The following KCND3 variants were observed in gnomAD, a reference collection of about 807,000 sequenced individuals.
KCND3 encodes the protein A-type voltage-gated potassium channel KCND3.
A neutral mutation model predicts 51.1 loss-of-function variants in KCND3; 9 were observed. The observed-to-expected ratio is 0.18, with a 90% CI of 0.11 to 0.31. KCND3 has a LOEUF of 0.31. KCND3 is among the 10% of genes least tolerant of loss of function. The pLI, the probability that KCND3 is intolerant of heterozygous loss-of-function variation, is 1.00. For missense variants in KCND3, 526 were observed against 903.8 expected (o/e 0.58, Z 5.36); for synonymous variants, 349 against 368.0 (o/e 0.95, Z 0.59).
rs141741116 is a variant in KCND3 at position 111,942,150 on chromosome 1, C to T, written c.1106+39471G>A. On this transcript the variant is annotated intron_variant, in intron 2 of 7. Transcript: ENST00000302127. ...GCACATGTTCATTGGGCATGTACTA[C>T]GAGCCAGGTCCTGTACTAAAAATTG... 9.8e-5 allele frequency among the ~76,000 whole-genome samples: 15 copies of T among 152,306 alleles called. No homozygotes were observed. The South Asian group carries it at 1.0e-3, about 11-fold the overall frequency.
chr1:111,915,373 G>A (rs76050184), intron 2 of KCND3, among the ~76,000 whole-genome samples: 2,520 of 151,180 alleles, frequency 0.017, 70 homozygotes, highest in African/African-American at 0.058. Context: ...ATGTGCTATC[G>A]GCAAGAAACA....
intron 2 of KCND3, among the ~76,000 whole-genome samples, chr1:111,798,488 C>G (rs1665156557): frequency 2.0e-5 from 3 of 152,074 alleles, no homozygotes; most frequent in Admixed American, 2.0e-4. Flanking sequence ...GAAATAAGAG[C>G]AATCTGAGGA....
At chr1:111,965,116 C>T (rs1201136922) in intron 2 of KCND3, among the ~76,000 whole-genome samples, 3 of 150,370 alleles carry the variant, frequency 2.0e-5, no homozygotes, top group Non-Finnish European at 4.4e-5. Flanking sequence ...ACTGCAAGTC[C>T]AAGGACTGTT....
chr1:111,867,363 G>A (rs754158059), intron 2 of KCND3, among the ~76,000 whole-genome samples: 1 of 152,192 alleles, frequency 6.6e-6, no homozygotes. Flanking sequence ...TGAAGGGCTT[G>A]CATCAGGATT....
rs1425349179 is a variant in KCND3, at chr1:111,989,572, C to T, written c.-140G>A. On this transcript the variant is annotated 5_prime_UTR_variant, in exon 1 of 8. Coordinates refer to ENST00000302127, the MANE Select transcript of KCND3 (RefSeq NM_001378969.1). ...CGCGCGAGGAAGCTGCGGCCGGGAG[C>T]CGGGGCCGCGGAGGCGCCGAGCGCC... 2.7e-5 allele frequency among the ~76,000 whole-genome samples: 4 copies of T among 148,676 alleles called. No individual in the cohort carries two copies. Among genetic ancestry groups the T allele is most frequent in the Non-Finnish European group, 4.5e-5 (3 of 66,820 alleles).
At chr1:111,777,411 A>G (rs1664177055) in intron 6 of KCND3, 138 bp from the exon 7 acceptor site, 3 of 888,756 alleles carry the variant, frequency 3.4e-6, no homozygotes, top group Admixed American at 3.7e-5. Context: ...ACAGATAAGC[A>G]TTCAGGAGGG....
intron 2 of KCND3, among the ~76,000 whole-genome samples, chr1:111,966,484 AC>A (rs1673994534): frequency 6.6e-6 from 1 of 152,008 alleles, no homozygotes; most frequent in South Asian, 2.1e-4. Flanking sequence ...TACCCCCATA[AC>A]CCACCCATTC....
chr1:111,835,196 A>C (rs1024757654), intron 2 of KCND3, among the ~76,000 whole-genome samples: 2 of 152,202 alleles, frequency 1.3e-5, no homozygotes, highest in African/African-American at 4.8e-5. Flanking sequence ...CTGCATTCAG[A>C]TCTTTGTGCT....
chr1:111,864,117 G>T (rs1377662179), intron 2 of KCND3, among the ~76,000 whole-genome samples: 1 of 152,124 alleles, frequency 6.6e-6, no homozygotes, highest in African/African-American at 2.4e-5. Flanking sequence ...CATGTTGAGG[G>T]TGGCTGGTGT....
At chr1:111,977,296 C>T (rs1674685881) in intron 2 of KCND3, among the ~76,000 whole-genome samples, 1 of 152,338 alleles carries the variant, frequency 6.6e-6, no homozygotes, top group East Asian at 1.9e-4. Flanking sequence ...GGAGGCTTAT[C>T]AAGTACCCCA....
intron 2 of KCND3, among the ~76,000 whole-genome samples, chr1:111,969,659 A>G (rs1571920883): frequency 6.6e-6 from 1 of 152,136 alleles, no homozygotes; most frequent in African/African-American, 2.4e-5. Flanking sequence ...TATTGCTGTC[A>G]TTGTTGTTGT....
intron 2 of KCND3, among the ~76,000 whole-genome samples, chr1:111,908,907 G>A (rs912290787): frequency 4.2e-4 from 62 of 148,716 alleles, no homozygotes; most frequent in Non-Finnish European, 1.5e-5. Flanking sequence ...CATCTCGGTG[G>A]CTAAGTTCTG....
At chr1:111,988,277 T>G (rs975845308) in intron 1 of KCND3, among the ~76,000 whole-genome samples, 3 of 152,136 alleles carry the variant, frequency 2.0e-5, no homozygotes, top group Non-Finnish European at 4.4e-5. Context: ...TGAACCAAGC[T>G]GGGGATCCTT....
intron 2 of KCND3, among the ~76,000 whole-genome samples, chr1:111,827,401 C>T (rs1034359306): frequency 1.3e-5 from 2 of 152,172 alleles, no homozygotes; most frequent in Non-Finnish European, 2.9e-5. Flanking sequence ...AGTGGGTTCA[C>T]GATGCAGGAA....
intron 2 of KCND3, among the ~76,000 whole-genome samples, chr1:111,934,110 TC>T (rs1392973794): frequency 6.6e-6 from 1 of 152,132 alleles, no homozygotes; most frequent in African/African-American, 2.4e-5. Context: ...GCCGAGCTTC[TC>T]CCCGTGTGGT....
intron 2 of KCND3, among the ~76,000 whole-genome samples, chr1:111,813,969 G>A (rs540075209): frequency 3.9e-5 from 6 of 152,332 alleles, no homozygotes; most frequent in South Asian, 2.1e-4. Context: ...CCCCACCAAC[G>A]TGCTGGCAGT....
Position 111,895,326 on chromosome 1 carries a change from T to C in KCND3, c.1106+86295A>G, listed in dbSNP as rs143242871. On this transcript the variant is annotated intron_variant, in intron 2 of 7. Coordinates refer to ENST00000302127, the MANE Select transcript of KCND3 (RefSeq NM_001378969.1). ...AAATCTGAGGGTCAGGGGGAGGCCTTTGGGCAAAAACGTCATGCATTTTAC... is the reference window on the plus strand; with the variant it reads ...AAATCTGAGGGTCAGGGGGAGGCCTCTGGGCAAAAACGTCATGCATTTTAC... Among the ~76,000 whole-genome samples, 573 of 151,930 alleles carry C rather than the reference T, an allele frequency of 3.8e-3. 7 individuals are homozygous for C. Among genetic ancestry groups the C allele is most frequent in the African/African-American group, 0.013 (544 of 41,402 alleles).
chr1:111,949,863 AAC>A (rs987298992), intron 2 of KCND3, among the ~76,000 whole-genome samples: 3 of 152,000 alleles, frequency 2.0e-5, no homozygotes, highest in South Asian at 2.1e-4. Context: ...CACACACATA[AAC>A]ACACACACAC....
At chr1:111,816,136 T>C (rs1167950213) in intron 2 of KCND3, among the ~76,000 whole-genome samples, 3 of 152,266 alleles carry the variant, frequency 2.0e-5, no homozygotes, top group Non-Finnish European at 4.4e-5. Flanking sequence ...ATAGGGCATT[T>C]CTGTGACTTA....
Sources: gnomAD v4.1 joint callset for allele counts (sites outside exome capture counted in the v4.1 genomes callset) on GRCh38, gnomAD v4.1.1 for gene constraint, MANE v1.5 for transcripts, NCBI Gene and HGNC (gene_info 2026-07-23, HGNC 2026-07-21) for gene names.